CLIP4: variants seen among roughly 807,000 people sequenced by gnomAD.
CLIP4 encodes the protein CAP-Gly domain-containing linker protein 4.
Under a neutral mutation model 73.1 loss-of-function variants are expected in CLIP4, and 47 were observed. That is an observed-to-expected ratio of 0.64 (90% CI 0.51 to 0.82). CLIP4 has a LOEUF of 0.82. CLIP4 is among the 40% of genes least tolerant of loss of function. The pLI, the probability that CLIP4 is intolerant of heterozygous loss-of-function variation, is 0.00. For synonymous variants in CLIP4, 306 were observed against 295.4 expected (o/e 1.04, Z -0.37); for missense variants, 874 against 852.9 (o/e 1.02, Z -0.31).
At chr2:29,101,819 A>G (rs1668058290) in intron 1 of CLIP4, among the ~76,000 whole-genome samples, 1 of 152,136 alleles carries the variant, frequency 6.6e-6, no homozygotes, top group Non-Finnish European at 1.5e-5. Context: ...GGCTTCACAT[A>G]TATCTCAAGC....
chr2:29,109,907 A>C (rs2148441032), intron 1 of CLIP4, among the ~76,000 whole-genome samples: 1 of 152,214 alleles, frequency 6.6e-6, no homozygotes, highest in African/African-American at 2.4e-5. Flanking sequence ...AAAATACAAA[A>C]ATTAGCCAGC....
intron 1 of CLIP4, among the ~76,000 whole-genome samples, chr2:29,104,752 T>C (rs1668153042): frequency 6.6e-6 from 1 of 152,210 alleles, no homozygotes; most frequent in Non-Finnish European, 1.5e-5. Flanking sequence ...TGCCAGGCGA[T>C]TGCTATCAGC....
chr2:29,131,871 A>G (rs1664995258), intron 3 of CLIP4: 3 of 398,672 alleles, frequency 7.5e-6, no homozygotes, highest in Non-Finnish European at 1.3e-5. Flanking sequence ...ACGCATAGAA[A>G]TAAAATTTTG....
At chr2:29,133,030 A>G (rs939352387) in intron 4 of CLIP4, among the ~76,000 whole-genome samples, 68 of 152,212 alleles carry the variant, frequency 4.5e-4, no homozygotes, top group African/African-American at 1.6e-3. Context: ...TCTACAAAAA[A>G]TTAAAAAATT....
chr2:29,163,433 A>G (rs1329381270), intron 12 of CLIP4, among the ~76,000 whole-genome samples: 1 of 152,108 alleles, frequency 6.6e-6, no homozygotes, highest in African/African-American at 2.4e-5. Context: ...TTGCATGTTC[A>G]TTTTATGATT....
At chr2:29,101,601 C>G (rs757799712) in intron 1 of CLIP4, among the ~76,000 whole-genome samples, 1 of 152,134 alleles carries the variant, frequency 6.6e-6, no homozygotes. Flanking sequence ...TCCCAGCCCA[C>G]GGACTCAAAT....
chr2:29,148,660 T>A (rs1462176721), intron 8 of CLIP4, among the ~76,000 whole-genome samples: 1 of 152,226 alleles, frequency 6.6e-6, no homozygotes, highest in Non-Finnish European at 1.5e-5. Context: ...ATATCTGTAT[T>A]TGTAACTAAT....
At chr2:29,115,024 G>C (rs895796336), upstream of CLIP4, 6 of 152,596 alleles carry the variant, frequency 3.9e-5, no homozygotes, top group African/African-American at 1.4e-4. This position sits in a 1 kb window ranked among gnomAD's most constrained non-coding sequence, Gnocchi z 5.1. Context: ...AGCCGCAGGA[G>C]ATATGAACTA....
At position 29,182,403 on chromosome 2, in the gene CLIP4, A is replaced by G. The variant is rs544054417; in HGVS notation, c.*510A>G. On this transcript the variant is annotated 3_prime_UTR_variant, in exon 16 of 16. Coordinates refer to ENST00000320081, the MANE Select transcript of CLIP4 (RefSeq NM_024692.6). Reference sequence around the variant, plus strand: ...AGTATGTAGTTTTATATTTTGGTAAAATTATTTGCCCTTTCAGAAATGCCT... The same window carrying G: ...AGTATGTAGTTTTATATTTTGGTAAGATTATTTGCCCTTTCAGAAATGCCT... The G allele has an allele frequency of 6.5e-6, 1 of 152,704 alleles. No individual in the cohort carries two copies. Among genetic ancestry groups the G allele is most frequent in the Admixed American group, 6.5e-5 (1 of 15,302 alleles). The allele number at this position is 152,704 out of a possible 1,614,324, so 9.5% of individuals were successfully genotyped here.
At chr2:29,170,157 T>C (rs542730837) in intron 14 of CLIP4, among the ~76,000 whole-genome samples, 4 of 152,334 alleles carry the variant, frequency 2.6e-5, no homozygotes, top group African/African-American at 7.2e-5. Flanking sequence ...CATTCATCCA[T>C]TGGTGGACAC....
Position 29,143,700 on chromosome 2 carries a change from T to C in CLIP4, c.649-9T>C, listed in dbSNP as rs1261352871. 2 of 1,578,988 alleles carry C rather than the reference T, an allele frequency of 1.3e-6. No homozygotes were observed. Among genetic ancestry groups the C allele is most frequent in the Non-Finnish European group, 1.7e-6 (2 of 1,148,740 alleles). Reference sequence around the variant, plus strand: ...GAGTTGAACATTTTTCTCTTATCTTTATTTGTAGAATGACAAAGGACAGAT... The same window carrying C: ...GAGTTGAACATTTTTCTCTTATCTTCATTTGTAGAATGACAAAGGACAGAT... On this transcript the variant is annotated splice_polypyrimidine_tract_variant and intron_variant, in intron 6 of 15. Coordinates refer to ENST00000320081, the MANE Select transcript of CLIP4 (RefSeq NM_024692.6).
rs528127124 is a variant in CLIP4, at chr2:29,174,336, A to C, written c.1724-37A>C. ...CATTTTAAATAAGGACTGAAAGCTT[A>C]TATTTTTCCTCTGCTAACCCCAACT... is the stretch of plus-strand genomic sequence containing the variant. On this transcript the variant is annotated intron_variant, in intron 14 of 15. Transcript: ENST00000320081. The C allele has an allele frequency of 2.4e-4, 355 of 1,492,916 alleles. 10 individuals are homozygous for C. In the South Asian group the frequency reaches 4.0e-3, roughly 17 times the overall value. The allele number at this position is 1,492,916 out of a possible 1,614,324, so 92.5% of individuals were successfully genotyped here.
At chr2:29,105,700 G>C (rs1668181351) in intron 1 of CLIP4, among the ~76,000 whole-genome samples, 1 of 152,188 alleles carries the variant, frequency 6.6e-6, no homozygotes, top group Admixed American at 6.5e-5. Context: ...TCCCCATTGT[G>C]AGGGGTTTTT....
At position 29,181,960 on chromosome 2, in the gene CLIP4, G is replaced by C. The variant is rs1668670543; in HGVS notation, c.*67G>C. On this transcript the variant is annotated 3_prime_UTR_variant, in exon 16 of 16. Transcript: ENST00000320081. ...GTAAATAAAGAGTCCATGGTAAATG[G>C]TTTACTTTATTTAGCCATATTAAAA... 1 of 1,331,014 alleles carries C rather than the reference G, an allele frequency of 7.5e-7. No individual in the cohort carries two copies. Among genetic ancestry groups the C allele is most frequent in the African/African-American group, 1.5e-5 (1 of 67,094 alleles). The allele number at this position is 1,331,014 out of a possible 1,614,324, so 82.5% of individuals were successfully genotyped here.
chr2:29,170,674 A>C (rs1667946859), intron 14 of CLIP4, among the ~76,000 whole-genome samples: 1 of 152,164 alleles, frequency 6.6e-6, no homozygotes, highest in African/African-American at 2.4e-5. Flanking sequence ...GTCATCATCA[A>C]ACCCAAGATC....
intron 6 of CLIP4, among the ~76,000 whole-genome samples, chr2:29,140,596 T>G (rs1274652786): frequency 1.2e-4 from 19 of 152,116 alleles, no homozygotes; most frequent in East Asian, 1.2e-3. Flanking sequence ...TATATACCCA[T>G]TAATGGGATG....
At chr2:29,164,874 TTATG>T (rs1667505670) in intron 13 of CLIP4, among the ~76,000 whole-genome samples, 1 of 152,238 alleles carries the variant, frequency 6.6e-6, no homozygotes, top group Admixed American at 6.5e-5. Context: ...TTCTTCATAT[TTATG>T]GTGATAACAG....
chr2:29,156,412 TGAA>T lies in CLIP4; in HGVS notation c.1228_1230del (p.Glu410del). Reference sequence around the variant, plus strand: ...AGTCAACACTTTCATTGCCTCCTGGTGAAGAACTTAAAACTGTGACAGAGAAAG... The same window carrying T: ...AGTCAACACTTTCATTGCCTCCTGGTGAACTTAAAACTGTGACAGAGAAAG... On this transcript the variant is annotated inframe_deletion, in exon 10 of 16. Coordinates refer to ENST00000320081, the MANE Select transcript of CLIP4 (RefSeq NM_024692.6). The T allele has an allele frequency of 6.3e-7, 1 of 1,588,772 alleles. No homozygotes were observed. Among genetic ancestry groups the T allele is most frequent in the Non-Finnish European group, 8.5e-7 (1 of 1,173,724 alleles).
chr2:29,102,011 T>C (rs926845336), intron 1 of CLIP4, among the ~76,000 whole-genome samples: 2 of 152,150 alleles, frequency 1.3e-5, no homozygotes, highest in African/African-American at 4.8e-5. Flanking sequence ...AATAGCAATA[T>C]GGACCCTACA....
Sources: gnomAD v4.1 joint callset for allele counts (sites outside exome capture counted in the v4.1 genomes callset) on GRCh38, gnomAD v4.1.1 for gene constraint, Gnocchi (gnomAD v3.1) non-coding constraint, MANE v1.5 for transcripts, NCBI Gene and HGNC (gene_info 2026-07-23, HGNC 2026-07-21) for gene names.